The following COL23A1 variants were observed in gnomAD, a reference collection of about 807,000 sequenced individuals.
The protein encoded by COL23A1 is collagen type XXIII alpha 1 chain.
In COL23A1, 97 loss-of-function variants were observed where a neutral mutation model predicts 99.3. That is an observed-to-expected ratio of 0.98 (90% CI 0.83 to 1.16). The LOEUF is 1.16. Among genes scored for constraint, COL23A1 ranks in the 50% most tolerant of loss-of-function variants. The pLI is 0.00. For missense variants in COL23A1, 762 were observed against 757.4 expected, an observed-to-expected ratio of 1.01 and a Z score of -0.07; for synonymous variants, 320 against 308.2, an observed-to-expected ratio of 1.04 and a Z score of -0.40.
At chr5:178,555,011 G>A (rs1762192311) in intron 2 of COL23A1, among the ~76,000 whole-genome samples, 1 of 152,104 alleles carries the variant, frequency 6.6e-6, no homozygotes, top group Non-Finnish European at 1.5e-5. Flanking sequence ...TCTGGGTGTG[G>A]ACATAAAAAG....
At chr5:178,578,342 A>G (rs1763499451) in intron 1 of COL23A1, among the ~76,000 whole-genome samples, 1 of 151,652 alleles carries the variant, frequency 6.6e-6, no homozygotes, top group South Asian at 2.1e-4. Context: ...GCTCACACAC[A>G]CTCGAGTCCC....
chr5:178,414,621 A>T (rs1226297383), intron 2 of COL23A1, among the ~76,000 whole-genome samples: 1 of 152,076 alleles, frequency 6.6e-6, no homozygotes, highest in Non-Finnish European at 1.5e-5. Context: ...AAAATACAAA[A>T]ATTAGCTGGG....
chr5:178,559,371 T>C (rs1278171215), intron 2 of COL23A1, among the ~76,000 whole-genome samples: 1 of 152,214 alleles, frequency 6.6e-6, no homozygotes, highest in Admixed American at 6.5e-5. Flanking sequence ...GCAGCTCCTG[T>C]CTTCTCTGGA....
intron 2 of COL23A1, among the ~76,000 whole-genome samples, chr5:178,529,043 G>A (rs919817268): frequency 3.3e-5 from 5 of 152,328 alleles, no homozygotes; most frequent in East Asian, 1.9e-4. Flanking sequence ...AGGGCTGGGC[G>A]GTTCTGCTCC....
intron 2 of COL23A1, among the ~76,000 whole-genome samples, chr5:178,404,560 T>TGCTCG (rs1491200276): frequency 2.9e-5 from 2 of 68,178 alleles, no homozygotes; most frequent in Non-Finnish European, 4.6e-5. Context: ...GCTGATTCCT[T>TGCTCG]ATGGTGAACC....
chr5:178,405,921 A>C (rs1457176029), intron 2 of COL23A1, among the ~76,000 whole-genome samples: 1 of 152,172 alleles, frequency 6.6e-6, no homozygotes, highest in Non-Finnish European at 1.5e-5. Flanking sequence ...TGGACAACAC[A>C]GTGAAACCTC....
chr5:178,448,110 A>G (rs185545176), intron 2 of COL23A1, among the ~76,000 whole-genome samples: 57 of 151,818 alleles, frequency 3.8e-4, no homozygotes, highest in Admixed American at 5.9e-4. Context: ...AGTGCTAGTC[A>G]CAGTCCGTTT....
At position 178,497,593 on chromosome 5, in the gene COL23A1, C is replaced by T. The variant is rs555232039; in HGVS notation, c.361+63089G>A. ...AATGACCAGAAATGGAATTACAGAA[C>T]AGCTACACATAAAATGTTTACAGAA... On this transcript the variant is annotated intron_variant, in intron 2 of 28. Transcript: ENST00000390654. 2.6e-5 allele frequency among the ~76,000 whole-genome samples: 4 copies of T among 152,266 alleles called. No homozygotes were observed. In the East Asian group the frequency reaches 7.7e-4, roughly 29 times the overall value.
chr5:178,326,414 T>TAA (rs34380897), intron 2 of COL23A1, among the ~76,000 whole-genome samples: 32,310 of 148,180 alleles, frequency 0.22, 3,979 homozygotes, highest in East Asian at 0.55. Flanking sequence ...AGAGAACATT[T>TAA]AAAAAAAAAA....
At chr5:178,523,201 T>TATATATACACATATATATATATATAGAG (rs1223542330) in intron 2 of COL23A1, among the ~76,000 whole-genome samples, 1 of 77,632 alleles carries the variant, frequency 1.3e-5, no homozygotes, top group Non-Finnish European at 2.5e-5. Flanking sequence ...TATATATATA[T>TATATATACACATATATATATATATAGAG]AGAGAGAGAG....
chr5:178,476,045 G>A (rs1229039363), intron 2 of COL23A1, among the ~76,000 whole-genome samples: 2 of 152,166 alleles, frequency 1.3e-5, no homozygotes, highest in South Asian at 2.1e-4. Flanking sequence ...TACAATTGGT[G>A]TGGACACAAC....
At chr5:178,287,681 G>A (rs1757231496) in intron 5 of COL23A1, among the ~76,000 whole-genome samples, 2 of 152,082 alleles carry the variant, frequency 1.3e-5, no homozygotes, top group African/African-American at 4.8e-5. Flanking sequence ...CTCCCCTGAC[G>A]GCCCTGCCAA....
chr5:178,527,186 G>A (rs796369885), intron 2 of COL23A1, among the ~76,000 whole-genome samples: 7 of 152,268 alleles, frequency 4.6e-5, no homozygotes, highest in Admixed American at 1.3e-4. Flanking sequence ...GGGGGCCCTC[G>A]GTGAGGAGAG....
intron 2 of COL23A1, among the ~76,000 whole-genome samples, chr5:178,438,390 G>C (rs1311639829): frequency 6.6e-6 from 1 of 152,164 alleles, no homozygotes; most frequent in Admixed American, 6.5e-5. Context: ...AAAATATCTG[G>C]GCAAGAAAAG....
chr5:178,431,896 A>T (rs1360852271), intron 2 of COL23A1, among the ~76,000 whole-genome samples: 1 of 152,246 alleles, frequency 6.6e-6, no homozygotes, highest in Non-Finnish European at 1.5e-5. Flanking sequence ...GAGAAGAGTC[A>T]TATCAAAGTT....
At chr5:178,271,656 A>C (rs1756293107) in intron 5 of COL23A1, among the ~76,000 whole-genome samples, 1 of 152,258 alleles carries the variant, frequency 6.6e-6, no homozygotes, top group South Asian at 2.1e-4. Context: ...AAACCAAGGA[A>C]GTATGGCAAG....
intron 4 of COL23A1, among the ~76,000 whole-genome samples, chr5:178,288,969 A>C (rs531898055): frequency 1.3e-5 from 2 of 152,324 alleles, no homozygotes; most frequent in Admixed American, 1.3e-4. Context: ...TTTAACTGCC[A>C]AGTTAAAAAA....
At chr5:178,251,310 C>T (rs1256330749) in intron 17 of COL23A1, among the ~76,000 whole-genome samples, 1 of 151,946 alleles carries the variant, frequency 6.6e-6, no homozygotes, top group Non-Finnish European at 1.5e-5. Flanking sequence ...CGTGAGCCAC[C>T]GTGCCCGGCC....
intron 2 of COL23A1, among the ~76,000 whole-genome samples, chr5:178,541,378 A>G (rs1217944012): frequency 1.3e-5 from 2 of 152,220 alleles, no homozygotes; most frequent in Admixed American, 6.5e-5. Context: ...ACTTGAGGCC[A>G]GGAGTTCAAG....
Sources: allele counts gnomAD v4.1 joint callset (sites outside exome capture counted in the v4.1 genomes callset), GRCh38; gene constraint gnomAD v4.1.1; transcripts MANE v1.5; gene names NCBI Gene and HGNC (gene_info 2026-07-23, HGNC 2026-07-21).